Variants in DAB1 observed in about 807,000 individuals in gnomAD.
The protein encoded by DAB1 is disabled homolog 1.
In DAB1, 15 loss-of-function variants were observed where a neutral mutation model predicts 64.6. The ratio of observed to expected loss-of-function variants is 0.23; its 90% CI spans 0.16 to 0.36. The LOEUF (loss-of-function observed/expected upper bound fraction) is 0.36. DAB1 is among the 10% of genes least tolerant of loss of function. The pLI, the probability that DAB1 is intolerant of heterozygous loss-of-function variation, is 1.00. For synonymous variants in DAB1, 235 were observed against 251.9 expected, an observed-to-expected ratio of 0.93 and a Z score of 0.64; for missense variants, 596 against 706.7, an observed-to-expected ratio of 0.84 and a Z score of 1.78.
intron 4 of DAB1, among the ~76,000 whole-genome samples, chr1:57,136,165 G>C (rs1350841085): frequency 6.6e-6 from 1 of 152,130 alleles, no homozygotes; most frequent in East Asian, 1.9e-4. Context: ...AAGAGAGTCT[G>C]GATGCTTTGA....
chr1:57,100,525 G>A (rs1284399671), intron 4 of DAB1, among the ~76,000 whole-genome samples: 1 of 152,138 alleles, frequency 6.6e-6, no homozygotes, highest in Non-Finnish European at 1.5e-5. Context: ...TGGACATGCT[G>A]TATTATACTG....
intron 14 of DAB1, among the ~76,000 whole-genome samples, chr1:57,007,283 T>C (rs1646107564): frequency 6.6e-6 from 1 of 152,246 alleles, no homozygotes; most frequent in Admixed American, 6.5e-5. Flanking sequence ...GCTGGGAAAG[T>C]CTGATAGGCA....
chr1:57,789,850 C>T (rs1040724577), intron 6 of DAB1, among the ~76,000 whole-genome samples: 1 of 152,112 alleles, frequency 6.6e-6, no homozygotes, highest in African/African-American at 2.4e-5. Context: ...GATTGCTGAC[C>T]AAGAAGATTT....
At chr1:57,162,262 G>A (rs562670553) in intron 2 of DAB1, among the ~76,000 whole-genome samples, 1 of 152,144 alleles carries the variant, frequency 6.6e-6, no homozygotes, top group African/African-American at 2.4e-5. Flanking sequence ...GTCTTGCTTT[G>A]GGAGAAGCAC....
At chr1:57,464,812 G>A (rs1014211963) in intron 7 of DAB1, among the ~76,000 whole-genome samples, 2 of 151,948 alleles carry the variant, frequency 1.3e-5, no homozygotes, top group African/African-American at 4.8e-5. Flanking sequence ...GTACTGCAGG[G>A]AATTTCTCTT....
intron 2 of DAB1, among the ~76,000 whole-genome samples, chr1:57,202,356 A>G (rs1034766084): frequency 6.6e-6 from 1 of 152,152 alleles, no homozygotes; most frequent in African/African-American, 2.4e-5. Flanking sequence ...ATTTTTCTGA[A>G]TTTTTGATGA....
At chr1:58,325,912 A>G (rs1299311138) in intron 4 of DAB1, among the ~76,000 whole-genome samples, 3 of 152,176 alleles carry the variant, frequency 2.0e-5, no homozygotes, top group Non-Finnish European at 4.4e-5. Context: ...TGGCTGTGAG[A>G]GAAGAGATGG....
At chr1:57,561,293 C>T (rs551090234) in intron 7 of DAB1, among the ~76,000 whole-genome samples, 6 of 152,286 alleles carry the variant, frequency 3.9e-5, no homozygotes, top group Admixed American at 2.6e-4. Context: ...CTTTCTAGGA[C>T]ATCCCTGAAG....
At chr1:58,017,746 G>A (rs1056198138) in intron 5 of DAB1, among the ~76,000 whole-genome samples, 1 of 152,198 alleles carries the variant, frequency 6.6e-6, no homozygotes, top group Non-Finnish European at 1.5e-5. Flanking sequence ...GACCTGAGCG[G>A]TGCTCAGTGA....
intron 4 of DAB1, among the ~76,000 whole-genome samples, chr1:58,219,200 C>T (rs1469907716): frequency 6.6e-6 from 1 of 152,058 alleles, no homozygotes; most frequent in African/African-American, 2.4e-5. Context: ...CCTCTCCTCC[C>T]CTCCTCACAC....
intron 7 of DAB1, among the ~76,000 whole-genome samples, chr1:57,517,109 C>G (rs1319036618): frequency 6.6e-6 from 1 of 152,134 alleles, no homozygotes; most frequent in Non-Finnish European, 1.5e-5. Context: ...GTCAGGCATA[C>G]AGTAGGTGCC....
intron 1 of DAB1, among the ~76,000 whole-genome samples, chr1:57,850,049 T>A (rs1653449813): frequency 6.6e-6 from 1 of 152,088 alleles, no homozygotes; most frequent in Non-Finnish European, 1.5e-5. Flanking sequence ...TGGGGATACC[T>A]GGCTTGGACA....
chr1:58,276,305 T>C (rs72667986), intron 4 of DAB1, among the ~76,000 whole-genome samples: 2,336 of 152,258 alleles, frequency 0.015, 35 homozygotes, highest in Middle Eastern at 0.041. Context: ...AATTTTATGT[T>C]ATGTGTATTT....
At chr1:57,061,228 T>TGC (rs796808475) in intron 9 of DAB1, among the ~76,000 whole-genome samples, 1,179 of 114,740 alleles carry the variant, frequency 0.01, 36 homozygotes, top group African/African-American at 0.038. Flanking sequence ...CATATTTAGA[T>TGC]GGGGGGGGGG....
intron 2 of DAB1, among the ~76,000 whole-genome samples, chr1:57,201,974 G>A (rs557337888): frequency 6.6e-6 from 1 of 152,308 alleles, no homozygotes; most frequent in Non-Finnish European, 1.5e-5. Context: ...GAACAGGAAA[G>A]TATTCAAGTT....
chr1:57,904,568 C>T (rs1405570894), intron 5 of DAB1, among the ~76,000 whole-genome samples: 2 of 152,138 alleles, frequency 1.3e-5, no homozygotes, highest in African/African-American at 2.4e-5. Flanking sequence ...CAGCGCAAGG[C>T]TACCCCTTGA....
At chr1:57,522,562 C>T (rs765804872) in intron 7 of DAB1, among the ~76,000 whole-genome samples, 2 of 152,122 alleles carry the variant, frequency 1.3e-5, no homozygotes, top group Non-Finnish European at 2.9e-5. Flanking sequence ...GGAGGCCTCA[C>T]AATCATGGTG....
chr1:57,643,336 C>T (rs531583490), intron 7 of DAB1, among the ~76,000 whole-genome samples: 2 of 152,226 alleles, frequency 1.3e-5, no homozygotes, highest in South Asian at 4.1e-4. Flanking sequence ...CACACAGTTT[C>T]ATTTGTATAT....
chr1:57,698,491 T>C (rs1202505882), intron 6 of DAB1, among the ~76,000 whole-genome samples: 1 of 152,200 alleles, frequency 6.6e-6, no homozygotes, highest in East Asian at 1.9e-4. Flanking sequence ...GCTTCATGTG[T>C]CACCACATTA....
Sources: gnomAD v4.1 joint callset for allele counts (sites outside exome capture counted in the v4.1 genomes callset) on GRCh38, gnomAD v4.1.1 for gene constraint, MANE v1.5 for transcripts, NCBI Gene and HGNC (gene_info 2026-07-23, HGNC 2026-07-21) for gene names.